The following ADAMTS17 variants were observed in gnomAD, a reference collection of about 807,000 sequenced individuals.
ADAMTS17 encodes the protein ADAM metallopeptidase with thrombospondin type 1 motif 17, also known as A disintegrin and metalloproteinase with thrombospondin motifs 17.
ADAMTS17 carries 113 observed loss-of-function variants against 141.5 expected under a neutral mutation model. That is an observed-to-expected ratio of 0.80 (90% CI 0.69 to 0.93). The LOEUF (loss-of-function observed/expected upper bound fraction) is 0.93. Among genes scored for constraint, ADAMTS17 ranks in the 40% least tolerant of loss-of-function variants. The probability of loss-of-function intolerance (pLI) is 0.00; values close to 1 mark genes in which losing one functional copy is unlikely to be tolerated. For missense variants in ADAMTS17, 1,659 were observed against 1,517.9 expected, an observed-to-expected ratio of 1.09 and a Z score of -1.54; for synonymous variants, 768 against 630.6, an observed-to-expected ratio of 1.22 and a Z score of -3.27.
intron 2 of ADAMTS17, among the ~76,000 whole-genome samples, chr15:100,334,927 C>T (rs931311575): frequency 3.3e-5 from 5 of 152,126 alleles, no homozygotes; most frequent in Non-Finnish European, 7.4e-5. Flanking sequence ...TTGCCATGGT[C>T]GGAGGCTTGA....
chr15:100,036,565 G>A (rs537842215), intron 18 of ADAMTS17, among the ~76,000 whole-genome samples: 107 of 152,302 alleles, frequency 7.0e-4, no homozygotes, highest in African/African-American at 2.4e-3. Context: ...GCCTGCAACC[G>A]TAAGTGCGCA....
chr15:100,113,441 G>T (rs950568147), intron 13 of ADAMTS17, among the ~76,000 whole-genome samples: 5 of 152,286 alleles, frequency 3.3e-5, no homozygotes, highest in Non-Finnish European at 5.9e-5. Context: ...TGACTATGGG[G>T]TGCTCTCCTG....
In ADAMTS17 at chr15:100,132,006, C is replaced by CG. The variant is rs779966272; in HGVS notation, c.1721dup (p.Gly576TrpfsTer54). ...GGGGTATGGCTGGTCAGGGGACTTA[C>CG]GGGGGGTTGTCACATTTCCTCTGCC... On this transcript the variant is annotated frameshift_variant and splice_region_variant. Coordinates refer to ENST00000268070, the MANE Select transcript of ADAMTS17 (RefSeq NM_139057.4). LOFTEE classifies it high-confidence loss of function. The CG allele has an allele frequency of 1.9e-6, 3 of 1,614,092 alleles. No homozygotes were observed. Among genetic ancestry groups the CG allele is most frequent in the Non-Finnish European group, 1.7e-6 (2 of 1,180,024 alleles).
intron 3 of ADAMTS17, among the ~76,000 whole-genome samples, chr15:100,308,334 T>G (rs1201749793): frequency 6.6e-6 from 1 of 152,106 alleles, no homozygotes; most frequent in Non-Finnish European, 1.5e-5. Context: ...CACAGACAAC[T>G]GGAAGGAAAA....
intron 8 of ADAMTS17, among the ~76,000 whole-genome samples, chr15:100,163,757 G>C (rs2039834958): frequency 6.6e-6 from 1 of 152,160 alleles, no homozygotes; most frequent in Admixed American, 6.5e-5. Context: ...GAATATGGTA[G>C]CTCCTAGGAA....
At chr15:100,056,512 TA>T (rs2032583419) in intron 15 of ADAMTS17, among the ~76,000 whole-genome samples, 1 of 152,244 alleles carries the variant, frequency 6.6e-6, no homozygotes, top group East Asian at 1.9e-4. Context: ...TAGATTCTCA[TA>T]AGGCATGCAC....
intron 20 of ADAMTS17, among the ~76,000 whole-genome samples, chr15:99,989,003 G>A (rs2060643187): frequency 6.6e-6 from 1 of 152,196 alleles, no homozygotes; most frequent in Non-Finnish European, 1.5e-5. Context: ...GAACAGGAAT[G>A]GTGATGCTGA....
intron 12 of ADAMTS17, chr15:100,129,514 T>G (rs2037922271): frequency 6.6e-6 from 1 of 152,236 alleles, no homozygotes; most frequent in South Asian, 2.1e-4. Context: ...GAGGACAAGG[T>G]GGGCAGATCA....
intron 4 of ADAMTS17, among the ~76,000 whole-genome samples, chr15:100,268,972 G>T (rs2043812320): frequency 3.0e-5 from 2 of 66,964 alleles, no homozygotes; most frequent in African/African-American, 1.1e-4. Context: ...CAGAAATAAT[G>T]CCACATCATA....
chr15:100,196,430 G>A (rs1199184892), intron 8 of ADAMTS17, among the ~76,000 whole-genome samples: 1 of 152,206 alleles, frequency 6.6e-6, no homozygotes, highest in African/African-American at 2.4e-5. Context: ...ACACAGAAGT[G>A]GAATTTTTTT....
Position 100,144,424 on chromosome 15 carries a change from C to A in ADAMTS17, c.1473+8188G>T, listed in dbSNP as rs557618719. Among the ~76,000 whole-genome samples the A allele has an allele frequency of 8.5e-5, 13 of 152,214 alleles. No homozygotes were observed. The South Asian group carries it at 2.5e-3, about 29-fold the overall frequency. Reference sequence around the variant, plus strand: ...AATTAGCCGGGCGTGGTGGAAGGCACCTGTAATCCCAGCTTCTTGTGAGGC... The same window carrying A: ...AATTAGCCGGGCGTGGTGGAAGGCAACTGTAATCCCAGCTTCTTGTGAGGC... On this transcript the variant is annotated intron_variant, in intron 10 of 21. Coordinates refer to ENST00000268070, the MANE Select transcript of ADAMTS17 (RefSeq NM_139057.4).
chr15:100,327,660 C>T (rs925988563), intron 3 of ADAMTS17, among the ~76,000 whole-genome samples: 7 of 152,172 alleles, frequency 4.6e-5, no homozygotes, highest in African/African-American at 7.2e-5. Context: ...AAGATTAGAA[C>T]GTTTGAAGTC....
At chr15:100,252,041 A>T (rs189810617) in intron 7 of ADAMTS17, among the ~76,000 whole-genome samples, 3 of 152,328 alleles carry the variant, frequency 2.0e-5, no homozygotes, top group East Asian at 3.9e-4. Context: ...GCAAACCAAT[A>T]AAAAGTAGTA....
In ADAMTS17 at chr15:99,997,606, AAG is replaced by A. The variant is rs768473488; in HGVS notation, c.2592-19_2592-18del. On this transcript the variant is annotated intron_variant, in intron 18 of 21. Transcript: ENST00000268070. The surrounding 1 kb of genome is among the most constrained non-coding windows in gnomAD (Gnocchi z 4.7). Reference sequence around the variant, plus strand: ...GCCACCCACCTGCCAGACGGGAGGAAAGAGAGAGAGAACGACTGGGTGAGAGG... The same window carrying A: ...GCCACCCACCTGCCAGACGGGAGGAAAGAGAGAGAACGACTGGGTGAGAGG... 4.3e-6 allele frequency: 7 copies of A among 1,612,242 alleles called. No homozygotes were observed. The highest frequency in any genetic ancestry group is 1.8e-4 in the Middle Eastern group (1 of 5,666).
intron 8 of ADAMTS17, among the ~76,000 whole-genome samples, chr15:100,181,600 G>T (rs1397170638): frequency 6.6e-6 from 1 of 152,254 alleles, no homozygotes. Flanking sequence ...TGTGTGTCTA[G>T]AATTGTCATC....
At chr15:100,115,296 C>G (rs966722401) in intron 13 of ADAMTS17, among the ~76,000 whole-genome samples, 4 of 152,238 alleles carry the variant, frequency 2.6e-5, no homozygotes, top group African/African-American at 9.6e-5. Context: ...AACTGCACGG[C>G]TCCAGCCGCA....
In ADAMTS17 at chr15:100,264,022, C is replaced by T. The variant is rs148834297; in HGVS notation, c.790-1587G>A. Among the ~76,000 whole-genome samples, 10 of 152,278 alleles carry T rather than the reference C, an allele frequency of 6.6e-5. No homozygotes were observed. The East Asian group carries it at 7.7e-4, about 12-fold the overall frequency. On this transcript the variant is annotated intron_variant, in intron 4 of 21. Transcript: ENST00000268070. ...CAAAGGAATCAGCCGTGTCACTGCTCGAATTTTACTCTTTGAAAACCATTA... is the reference window on the plus strand; with the variant it reads ...CAAAGGAATCAGCCGTGTCACTGCTTGAATTTTACTCTTTGAAAACCATTA...
chr15:100,094,031 A>G (rs2035619166), intron 15 of ADAMTS17, among the ~76,000 whole-genome samples: 1 of 151,976 alleles, frequency 6.6e-6, no homozygotes, highest in South Asian at 2.1e-4. Flanking sequence ...GATTTTCAAT[A>G]TATACAATCC....
In ADAMTS17 at chr15:100,002,841, T is replaced by C. The variant is rs372272490; in HGVS notation, c.2592-5252A>G. Among the ~76,000 whole-genome samples the C allele has an allele frequency of 2.6e-3, 394 of 152,082 alleles. 5 individuals carry two copies. The highest frequency in any genetic ancestry group is 9.0e-3 in the African/African-American group (373 of 41,388). ...TACCTCATGCATCCCTCCTTCCTGCTGTCCAGCCCTTTCCCGCGGAGTTCT... is the reference window on the plus strand; with the variant it reads ...TACCTCATGCATCCCTCCTTCCTGCCGTCCAGCCCTTTCCCGCGGAGTTCT... On this transcript the variant is annotated intron_variant, in intron 18 of 21. Coordinates refer to ENST00000268070, the MANE Select transcript of ADAMTS17 (RefSeq NM_139057.4).
Sources: gnomAD v4.1 joint callset for allele counts (sites outside exome capture counted in the v4.1 genomes callset) on GRCh38, gnomAD v4.1.1 for gene constraint, Gnocchi (gnomAD v3.1) non-coding constraint, MANE v1.5 for transcripts, NCBI Gene and HGNC (gene_info 2026-07-23, HGNC 2026-07-21) for gene names.